VRK2: variants seen among roughly 807,000 people sequenced by gnomAD.
The protein encoded by VRK2 is serine/threonine-protein kinase VRK2.
In VRK2, 60 loss-of-function variants were observed where a neutral mutation model predicts 57.6. The ratio of observed to expected loss-of-function variants is 1.04; its 90% CI spans 0.85 to 1.29. VRK2 has a LOEUF of 1.29. VRK2 is among the 50% of genes most tolerant of loss of function. The pLI is 0.00. For synonymous variants in VRK2, 231 were observed against 199.2 expected (o/e 1.16, Z -1.35); for missense variants, 705 against 588.1 (o/e 1.20, Z -2.06).
At chr2:57,909,347 A>G (rs958099458) in intron 1 of VRK2, among the ~76,000 whole-genome samples, 6 of 152,194 alleles carry the variant, frequency 3.9e-5, no homozygotes, top group Non-Finnish European at 7.4e-5. Flanking sequence ...TAAACTGAAG[A>G]TCATCAGGGT....
At chr2:58,008,657 A>C (rs1167929305) in intron 1 of VRK2, among the ~76,000 whole-genome samples, 2 of 152,122 alleles carry the variant, frequency 1.3e-5, no homozygotes, top group Non-Finnish European at 2.9e-5. Flanking sequence ...GAAGGAATAA[A>C]ATATAAATAT....
At chr2:58,063,629 G>A (rs1677693559) in intron 2 of VRK2, among the ~76,000 whole-genome samples, 1 of 152,076 alleles carries the variant, frequency 6.6e-6, no homozygotes, top group African/African-American at 2.4e-5. Context: ...CAAGAGCTCT[G>A]ATGGAGATGT....
intron 7 of VRK2, among the ~76,000 whole-genome samples, chr2:58,113,630 G>A (rs1248102876): frequency 3.3e-5 from 5 of 152,200 alleles, no homozygotes; most frequent in East Asian, 1.9e-4. Context: ...GGGCAGGGGC[G>A]GGGTCACAAG....
intron 2 of VRK2, among the ~76,000 whole-genome samples, chr2:58,070,531 A>C (rs1388404473): frequency 6.6e-6 from 1 of 152,060 alleles, no homozygotes; most frequent in South Asian, 2.1e-4. Flanking sequence ...CTGTTTCTGT[A>C]GTTTTGCCAT....
chr2:58,047,007 G>T (rs983843839), intron 1 of VRK2, 139 bp downstream of exon 1: 7 of 980,480 alleles, frequency 7.1e-6, no homozygotes, highest in Non-Finnish European at 8.5e-6. Context: ...CCGGGCCTCA[G>T]CTCCGGCCCG....
intron 1 of VRK2, among the ~76,000 whole-genome samples, chr2:57,927,370 G>A (rs114653778): frequency 0.023 from 3,439 of 150,754 alleles, 49 homozygotes; most frequent in Admixed American, 0.03. Flanking sequence ...TTTGCCTCTC[G>A]GGTTGAAGAG....
At chr2:58,089,802 GA>G (rs1417113981) in intron 7 of VRK2, 79 bp downstream of exon 7, 9 of 986,790 alleles carry the variant, frequency 9.1e-6, no homozygotes, top group Non-Finnish European at 1.4e-5. Flanking sequence ...TTCTAACCCA[GA>G]AGAGTTTACA....
At chr2:58,007,471 A>G (rs996162866) in intron 1 of VRK2, among the ~76,000 whole-genome samples, 1 of 151,846 alleles carries the variant, frequency 6.6e-6, no homozygotes, top group Middle Eastern at 3.2e-3. Flanking sequence ...CACCCTACAT[A>G]ACGTAAAGAT....
At chr2:58,086,300 A>G (rs1671614163) in intron 4 of VRK2, 39 bp from the exon 5 acceptor site, 1 of 1,540,752 alleles carries the variant, frequency 6.5e-7, no homozygotes, top group Non-Finnish European at 8.8e-7. Context: ...ATCTTTTCAA[A>G]TAACATGAAT....
intron 1 of VRK2, among the ~76,000 whole-genome samples, chr2:58,048,082 A>T (rs1369349890): frequency 6.6e-6 from 1 of 152,168 alleles, no homozygotes; most frequent in Non-Finnish European, 1.5e-5. Context: ...CCATTGAGAA[A>T]TTTGCTAACC....
rs1361144183 is a variant in VRK2 at position 58,048,959 on chromosome 2, T to TA, written c.129dup (p.Tyr44IlefsTer8). 50 of 1,611,490 alleles carry TA rather than the reference T, an allele frequency of 3.1e-5. No homozygotes were observed. The highest frequency in any genetic ancestry group is 4.1e-5 in the Non-Finnish European group (48 of 1,179,234). On this transcript the variant is annotated frameshift_variant, in exon 2 of 13. Coordinates refer to ENST00000340157, the MANE Select transcript of VRK2 (RefSeq NM_006296.7). LOFTEE classifies it high-confidence loss of function. Reference sequence around the variant, plus strand: ...ATTGGCTCTGGAGGATTTGGATTGATATATTTAGGTAAAGTAAAACCTTAA... The same window carrying TA: ...ATTGGCTCTGGAGGATTTGGATTGATAATATTTAGGTAAAGTAAAACCTTAA...
Position 58,088,431 on chromosome 2 carries a change from A to G in VRK2, c.435A>G (p.Gln145=), listed in dbSNP as rs145652570. 215 of 1,610,740 alleles carry G rather than the reference A, an allele frequency of 1.3e-4. No homozygotes were observed. In the African/African-American group the frequency reaches 2.6e-3, roughly 19 times the overall value. ...NGTFKKSTVL[Q]LGIRMLDVLE... ...CCTTTAAAAAGTCAACTGTCCTGCA[A>G]TTAGGTATCCGAATGGTAAGAATTA... is the stretch of plus-strand genomic sequence containing the variant. Residue 145 remains glutamine (Q), a synonymous_variant, in exon 6 of 13, where the codon CAA becomes CAG. Coordinates refer to ENST00000340157, the MANE Select transcript of VRK2 (RefSeq NM_006296.7).
In VRK2 at chr2:58,052,920, C is replaced by A. The variant is rs144810156; in HGVS notation, c.136+3953C>A. Among the ~76,000 whole-genome samples the A allele has an allele frequency of 7.3e-3, 1,107 of 152,290 alleles. 10 individuals are homozygous for A. The highest frequency in any genetic ancestry group is 0.011 in the Non-Finnish European group (768 of 68,010). On this transcript the variant is annotated intron_variant, in intron 2 of 12. Transcript: ENST00000340157. ...AGAATTACAGGATAAACTTTAGCCA[C>A]ATTCTTTTGAAGGCTGATTATGTAA...
intron 10 of VRK2, among the ~76,000 whole-genome samples, chr2:58,137,165 T>TCATATATGATA (rs1553422335): frequency 2.9e-3 from 14 of 4,912 alleles, no homozygotes; most frequent in Middle Eastern, 0.25. Flanking sequence ...TTTATATATA[T>TCATATATGATA]CATATATCAT....
intron 1 of VRK2, among the ~76,000 whole-genome samples, chr2:57,978,462 A>C (rs1314436036): frequency 6.6e-6 from 1 of 151,020 alleles, no homozygotes; most frequent in African/African-American, 2.5e-5. Context: ...TTGCTTAATA[A>C]ACATTTTATG....
Position 57,925,929 on chromosome 2 carries a change from C to A in VRK2, c.-439+18090C>A, listed in dbSNP as rs563030528. ...CCATAAATTTTGGTATGTTCTGTTT[C>A]CATTATCATTTGTTTGAAAAAAATG... is the stretch of plus-strand genomic sequence containing the variant. On this transcript the variant is annotated intron_variant, in intron 1 of 15. Transcript: ENST00000417641. Among the ~76,000 whole-genome samples, 171 of 151,920 alleles carry A rather than the reference C, an allele frequency of 1.1e-3. 2 individuals carry two copies. Among genetic ancestry groups the A allele is most frequent in the African/African-American group, 3.8e-3 (158 of 41,502 alleles).
intron 2 of VRK2, among the ~76,000 whole-genome samples, chr2:58,049,811 A>AT (rs1161227093): frequency 6.6e-6 from 1 of 152,196 alleles, no homozygotes; most frequent in Non-Finnish European, 1.5e-5. Context: ...CTCATCACAT[A>AT]TTTCCAGAAA....
intron 1 of VRK2, among the ~76,000 whole-genome samples, chr2:57,944,770 T>C (rs1446089354): frequency 1.3e-5 from 2 of 151,782 alleles, no homozygotes; most frequent in African/African-American, 4.8e-5. Context: ...ATTCGTTAAT[T>C]CATGCATCAG....
chr2:57,915,730 C>T (rs946807230), intron 1 of VRK2, among the ~76,000 whole-genome samples: 11 of 152,164 alleles, frequency 7.2e-5, no homozygotes, highest in Admixed American at 2.6e-4. Flanking sequence ...CATCAGGGGT[C>T]CCCAACCCGC....
Sources: gnomAD v4.1 joint callset for allele counts (sites outside exome capture counted in the v4.1 genomes callset) on GRCh38, gnomAD v4.1.1 for gene constraint, MANE v1.5 for transcripts, NCBI Gene and HGNC (gene_info 2026-07-23, HGNC 2026-07-21) for gene names.